The following ACVR1 variants were observed in gnomAD, a reference collection of about 807,000 sequenced individuals.
ACVR1 encodes the protein activin A receptor type 1.
In ACVR1, 38 loss-of-function variants were observed where a neutral mutation model predicts 57.1. The ratio of observed to expected loss-of-function variants is 0.67; its 90% confidence interval spans 0.51 to 0.87. The LOEUF is 0.87. ACVR1 is among the 40% of genes least tolerant of loss of function. The pLI is 0.00. For synonymous variants in ACVR1, 212 were observed against 228.1 expected, an observed-to-expected ratio of 0.93 and a Z score of 0.63; for missense variants, 463 against 638.2, an observed-to-expected ratio of 0.73 and a Z score of 2.96.
intron 2 of ACVR1, among the ~76,000 whole-genome samples, chr2:157,804,217 A>G (rs916197588): frequency 5.3e-5 from 8 of 152,296 alleles, no homozygotes; most frequent in Admixed American, 2.0e-4. Flanking sequence ...TCTTTGTACT[A>G]TATCAGATAA....
At position 157,820,211 on chromosome 2, in the gene ACVR1, T is replaced by C. The variant is rs182288213; in HGVS notation, c.-182-1652A>G. 2.2e-4 allele frequency among the ~76,000 whole-genome samples: 33 copies of C among 152,246 alleles called. 1 individual carries two copies. The East Asian group carries it at 6.2e-3, about 29-fold the overall frequency. ...TTCCATAGGGAGGTCAACCAGAAATTTGTCTTTTTCAGCAATCACTTAGCA... is the reference window on the plus strand; with the variant it reads ...TTCCATAGGGAGGTCAACCAGAAATCTGTCTTTTTCAGCAATCACTTAGCA... On this transcript the variant is annotated intron_variant, in intron 1 of 10. Coordinates refer to ENST00000434821, the MANE Select transcript of ACVR1 (RefSeq NM_001111067.4).
intron 1 of ACVR1, among the ~76,000 whole-genome samples, chr2:157,859,860 T>C (rs1689664155): frequency 2.0e-5 from 3 of 152,214 alleles, no homozygotes; most frequent in East Asian, 1.9e-4. Flanking sequence ...CTTTTTTTTC[T>C]TTTTAATGGT....
rs1176781014 is a variant in ACVR1, at chr2:157,738,634, T to C, written c.1265-64A>G. On this transcript the variant is annotated intron_variant, in intron 9 of 10. Transcript: ENST00000434821. ...GAGTACAGGTTGCCCCAAGGTTTCA[T>C]TGATGGGTGTCACAGGTTATAATGT... 1.6e-5 allele frequency: 26 copies of C among 1,610,490 alleles called. No individual in the cohort carries two copies. In the East Asian group the frequency reaches 2.0e-4, roughly 12 times the overall value.
At chr2:157,794,477 AC>A (rs1328201772) in intron 3 of ACVR1, among the ~76,000 whole-genome samples, 1 of 152,158 alleles carries the variant, frequency 6.6e-6, no homozygotes, top group Non-Finnish European at 1.5e-5. Flanking sequence ...TCTAGCATGC[AC>A]CAGACATAAT....
intron 1 of ACVR1, among the ~76,000 whole-genome samples, chr2:157,819,724 A>G (rs1440761448): frequency 6.8e-6 from 1 of 147,106 alleles, no homozygotes; most frequent in African/African-American, 2.7e-5. Context: ...GAAGGAGTAC[A>G]AAGCGGAAGG....
chr2:157,859,546 G>A (rs1417306108), intron 1 of ACVR1, among the ~76,000 whole-genome samples: 6 of 151,962 alleles, frequency 3.9e-5, no homozygotes, highest in Admixed American at 3.9e-4. Flanking sequence ...CCTCTCTTGG[G>A]GTCTGGATTG....
At chr2:157,770,772 G>A (rs191899969) in intron 6 of ACVR1, among the ~76,000 whole-genome samples, 1 of 152,194 alleles carries the variant, frequency 6.6e-6, no homozygotes, top group Admixed American at 6.5e-5. Context: ...TATCTGCATT[G>A]TATAATTAGC....
At chr2:157,872,984 G>T (rs557484404) in intron 1 of ACVR1, among the ~76,000 whole-genome samples, 1 of 152,184 alleles carries the variant, frequency 6.6e-6, no homozygotes, top group South Asian at 2.1e-4. Flanking sequence ...AAGTACAAAC[G>T]CATATTTATG....
At chr2:157,808,708 A>G (rs1017173462) in intron 2 of ACVR1, among the ~76,000 whole-genome samples, 2 of 152,102 alleles carry the variant, frequency 1.3e-5, no homozygotes, top group Non-Finnish European at 2.9e-5. Flanking sequence ...TCAGAAATTG[A>G]CATATTATCT....
chr2:157,785,141 A>G (rs1686667285), intron 3 of ACVR1, among the ~76,000 whole-genome samples: 2 of 152,276 alleles, frequency 1.3e-5, no homozygotes, highest in Non-Finnish European at 2.9e-5. Context: ...GCCCATGGCC[A>G]TGATTTGTCC....
intron 9 of ACVR1, among the ~76,000 whole-genome samples, chr2:157,741,183 A>T (rs1052377750): frequency 1.3e-5 from 2 of 152,216 alleles, no homozygotes; most frequent in African/African-American, 4.8e-5. Context: ...CTTGTCAAAA[A>T]GAACCTCAAA....
chr2:157,851,691 T>C (rs1192908688), intron 1 of ACVR1, among the ~76,000 whole-genome samples: 16 of 152,116 alleles, frequency 1.1e-4, no homozygotes, highest in Non-Finnish European at 1.5e-5. Flanking sequence ...GGGCTCCTAG[T>C]AGATATCGCA....
intron 9 of ACVR1, among the ~76,000 whole-genome samples, chr2:157,754,527 G>C (rs1685342011): frequency 6.6e-6 from 1 of 152,154 alleles, no homozygotes; most frequent in South Asian, 2.1e-4. Context: ...TAAATTCCTG[G>C]AAATATACAA....
rs565560899 is a variant in ACVR1, at chr2:157,765,131, T to C, written c.1066+790A>G. ...ATATTCTAGGAATCCAGGAAGAACA[T>C]GGTTTTATATAAAATGCCACTATAA... is the stretch of plus-strand genomic sequence containing the variant. On this transcript the variant is annotated intron_variant, in intron 8 of 10. Transcript: ENST00000434821. Among the ~76,000 whole-genome samples the C allele has an allele frequency of 2.0e-5, 3 of 152,244 alleles. No homozygotes were observed. The South Asian group carries it at 6.2e-4, about 32-fold the overall frequency.
chr2:157,854,490 A>G (rs1689438468), intron 1 of ACVR1, among the ~76,000 whole-genome samples: 1 of 152,196 alleles, frequency 6.6e-6, no homozygotes, highest in South Asian at 2.1e-4. Context: ...TGGGAGGCCG[A>G]GGCGGGAGGA....
At chr2:157,846,160 G>A (rs1018473505) in intron 1 of ACVR1, among the ~76,000 whole-genome samples, 3 of 152,164 alleles carry the variant, frequency 2.0e-5, no homozygotes, top group Non-Finnish European at 4.4e-5. Flanking sequence ...AAAGAGACAA[G>A]GAGATTTAAC....
intron 1 of ACVR1, among the ~76,000 whole-genome samples, chr2:157,870,199 T>C (rs1056087819): frequency 1.3e-5 from 2 of 152,198 alleles, no homozygotes; most frequent in African/African-American, 4.8e-5. Context: ...GTCCCATTTC[T>C]AATATCCAAC....
intron 2 of ACVR1, among the ~76,000 whole-genome samples, chr2:157,805,144 T>C (rs746211480): frequency 3.3e-5 from 5 of 152,212 alleles, no homozygotes; most frequent in Admixed American, 3.3e-4. Flanking sequence ...ACTAGACTTA[T>C]GGGTAGCATA....
At chr2:157,834,949 C>A (rs1268735670) in intron 1 of ACVR1, among the ~76,000 whole-genome samples, 1 of 152,182 alleles carries the variant, frequency 6.6e-6, no homozygotes, top group East Asian at 1.9e-4. Flanking sequence ...GAAGCCCTCG[C>A]CAGACACTGA....
Sources: allele counts gnomAD v4.1 joint callset (sites outside exome capture counted in the v4.1 genomes callset), GRCh38; gene constraint gnomAD v4.1.1; transcripts MANE v1.5; gene names NCBI Gene and HGNC (gene_info 2026-07-23, HGNC 2026-07-21).